SIK3: variants seen among roughly 807,000 people sequenced by gnomAD.
SIK3 encodes SIK family kinase 3, also known as serine/threonine-protein kinase SIK3.
A neutral mutation model predicts 144.2 loss-of-function variants in SIK3; 28 were observed. The observed-to-expected ratio is 0.19, with a 90% CI of 0.14 to 0.27. SIK3 has a LOEUF of 0.27. Ranked by LOEUF, SIK3 falls within the 10% of genes least tolerant of loss-of-function variation. SIK3 has a pLI of 1.00. For synonymous variants in SIK3, 686 were observed against 676.3 expected, an observed-to-expected ratio of 1.01 and a Z score of -0.22; for missense variants, 1,319 against 1,776.0, an observed-to-expected ratio of 0.74 and a Z score of 4.62.
At position 116,858,085 on chromosome 11, in the gene SIK3, G is replaced by C; in HGVS notation, c.3380C>G (p.Pro1127Arg). The C allele has an allele frequency of 6.2e-7, 1 of 1,613,964 alleles. No individual in the cohort carries two copies. The highest frequency in any genetic ancestry group is 8.5e-7 in the Non-Finnish European group (1 of 1,179,916). Residue 1127 changes from proline (P) to arginine (R), a missense_variant, in exon 21 of 25, where the codon CCG (proline) becomes CGG (arginine). Pro to Arg is a moderately radical substitution (Grantham distance 103). Around this residue, in one of 8 missense-constraint regions of SIK3, gnomAD observed 646 missense variants for 763.7 expected, o/e 0.85. Coordinates refer to ENST00000445177, the MANE Select transcript of SIK3 (RefSeq NM_001366686.3). This position sits in a 1 kb window ranked among gnomAD's most constrained non-coding sequence, Gnocchi z 5.4. ...ECVSQASSPT[P>R]PHGYAHQPAL... ...CGGCTGGTGAGCATACCCGTGGGGC[G>C]GGGTGGGTGAGGAAGCCTGTGAGAC...
intron 1 of SIK3, among the ~76,000 whole-genome samples, chr11:117,073,651 A>G (rs928895640): frequency 6.6e-6 from 1 of 151,656 alleles, no homozygotes; most frequent in Admixed American, 6.6e-5. Flanking sequence ...ATGGAAGTCT[A>G]TTGACCAGAC....
intron 1 of SIK3, among the ~76,000 whole-genome samples, chr11:116,987,470 A>G (rs1220564181): frequency 6.6e-6 from 1 of 152,144 alleles, no homozygotes; most frequent in Non-Finnish European, 1.5e-5. Flanking sequence ...CAAGAGTACT[A>G]CTCAAACTGC....
intron 1 of SIK3, among the ~76,000 whole-genome samples, chr11:117,039,323 A>G (rs1371754925): frequency 1.3e-5 from 2 of 152,212 alleles, no homozygotes; most frequent in African/African-American, 4.8e-5. Context: ...AGGTCTCGCT[A>G]TGTTGCCCTG....
chr11:116,876,171 G>C (rs1944242219), intron 8 of SIK3, 82 bp downstream of exon 8: 1 of 1,507,702 alleles, frequency 6.6e-7, no homozygotes, highest in Admixed American at 2.0e-5. Context: ...AAAGGCCCAA[G>C]TTCCCGAGAA....
chr11:116,955,955 T>C (rs1354206686), intron 2 of SIK3, among the ~76,000 whole-genome samples: 1 of 152,152 alleles, frequency 6.6e-6, no homozygotes, highest in Non-Finnish European at 1.5e-5. Context: ...AGCTTGCCCA[T>C]AGAGCCTTGG....
intron 19 of SIK3, 83 bp downstream of exon 19, chr11:116,861,191 G>T: frequency 9.2e-7 from 1 of 1,083,908 alleles, no homozygotes; most frequent in Non-Finnish European, 1.4e-6. Flanking sequence ...CCTTTCAAAT[G>T]GTTTATGGTG....
chr11:117,038,049 T>A (rs1952588050), intron 1 of SIK3, among the ~76,000 whole-genome samples: 1 of 152,198 alleles, frequency 6.6e-6, no homozygotes, highest in Admixed American at 6.5e-5. Context: ...TATTCCTGAA[T>A]CAAGAAAGTA....
At chr11:117,014,387 T>C (rs1431130069) in intron 1 of SIK3, among the ~76,000 whole-genome samples, 1 of 152,160 alleles carries the variant, frequency 6.6e-6, no homozygotes, top group Non-Finnish European at 1.5e-5. Context: ...GCAATAAAAC[T>C]TTTAGAAGAT....
intron 1 of SIK3, among the ~76,000 whole-genome samples, chr11:116,992,984 C>CA (rs961494816): frequency 2.0e-5 from 3 of 152,000 alleles, no homozygotes; most frequent in African/African-American, 7.2e-5. Context: ...GATTCTGTCT[C>CA]AAAAAAGTAT....
At chr11:116,971,870 C>T (rs1379627841) in intron 1 of SIK3, among the ~76,000 whole-genome samples, 1 of 151,726 alleles carries the variant, frequency 6.6e-6, no homozygotes, top group African/African-American at 2.4e-5. Flanking sequence ...GGGTGGATCA[C>T]GAGGTCAGGA....
At chr11:117,060,923 C>T (rs77828839) in intron 1 of SIK3, among the ~76,000 whole-genome samples, 5,804 of 152,184 alleles carry the variant, frequency 0.038, 359 homozygotes, top group African/African-American at 0.13. Context: ...GTACTTTCTG[C>T]TCAACTTTTC....
At chr11:116,994,768 C>T (rs1381818111) in intron 1 of SIK3, among the ~76,000 whole-genome samples, 1 of 152,146 alleles carries the variant, frequency 6.6e-6, no homozygotes, top group African/African-American at 2.4e-5. Flanking sequence ...GCTTTTAAGG[C>T]TCTCTAAAAG....
Position 116,885,305 on chromosome 11 carries a change from G to A in SIK3, c.866-8263C>T, listed in dbSNP as rs369109059. 5.9e-5 allele frequency among the ~76,000 whole-genome samples: 9 copies of A among 152,088 alleles called. 1 individual carries two copies. The highest frequency in any genetic ancestry group is 1.9e-4 in the African/African-American group (8 of 41,422). ...TCAGTTTTACCAAGTTTATCAACCCGAGACAGACCACAAAGAAAAGGTTTT... is the reference window on the plus strand; with the variant it reads ...TCAGTTTTACCAAGTTTATCAACCCAAGACAGACCACAAAGAAAAGGTTTT... On this transcript the variant is annotated intron_variant, in intron 6 of 24. Coordinates refer to ENST00000445177, the MANE Select transcript of SIK3 (RefSeq NM_001366686.3).
chr11:116,868,081 G>T lies in SIK3; in HGVS notation c.1817C>A (p.Ala606Glu). Residue 606 changes from alanine to glutamate, a missense_variant, in exon 15 of 25, where the codon GCA becomes GAA. Ala to Glu is a moderately radical substitution (Grantham distance 107). This residue lies in a region of SIK3 where 167 missense variants were observed against 263.3 expected (regional missense o/e 0.63). Transcript: ENST00000445177. Reference protein sequence around the residue: ...PDQEAVQRYLANRSKRHTLAM... With the variant: ...PDQEAVQRYLENRSKRHTLAM... ...CAGTGTATGTCTTTTGGACCTATTTGCCAAGTACCTGCAACAAGCAGGAGC... is the reference window on the plus strand; with the variant it reads ...CAGTGTATGTCTTTTGGACCTATTTTCCAAGTACCTGCAACAAGCAGGAGC... The T allele has an allele frequency of 5.8e-6, 9 of 1,550,608 alleles. No individual in the cohort carries two copies. Among genetic ancestry groups the T allele is most frequent in the Non-Finnish European group, 7.8e-6 (9 of 1,146,992 alleles).
Position 116,980,370 on chromosome 11 carries a change from G to GAA in SIK3, c.274-23308_274-23307dup, listed in dbSNP as rs760821689. ...TCTTTTCCGCTTATCACTAGAGAGA[G>GAA]AAACTAAAAACAATGGCTTCACACT... On this transcript the variant is annotated intron_variant, in intron 1 of 24. Transcript: ENST00000445177. 3.9e-5 allele frequency among the ~76,000 whole-genome samples: 6 copies of GAA among 152,208 alleles called. No homozygotes were observed. The East Asian group carries it at 7.7e-4, about 20-fold the overall frequency.
intron 5 of SIK3, among the ~76,000 whole-genome samples, 165 bp downstream of exon 5, chr11:116,897,026 CAA>C (rs5795057): frequency 7.1e-3 from 732 of 102,696 alleles, no homozygotes; most frequent in South Asian, 9.0e-3. Context: ...GACTCTGTTT[CAA>C]AAAAAAAAAA....
At chr11:117,034,550 T>C (rs1952409015) in intron 1 of SIK3, among the ~76,000 whole-genome samples, 1 of 152,110 alleles carries the variant, frequency 6.6e-6, no homozygotes, top group South Asian at 2.1e-4. Context: ...TCAGTACTGG[T>C]GGTTAAGAAA....
intron 1 of SIK3, among the ~76,000 whole-genome samples, chr11:117,013,166 T>C (rs1951339297): frequency 6.6e-6 from 1 of 152,218 alleles, no homozygotes; most frequent in Non-Finnish European, 1.5e-5. Flanking sequence ...CTTTGGTTTC[T>C]AAGTTAAAGT....
intron 1 of SIK3, among the ~76,000 whole-genome samples, chr11:116,988,422 T>C (rs1189356631): frequency 1.3e-5 from 2 of 151,920 alleles, no homozygotes; most frequent in African/African-American, 4.8e-5. Flanking sequence ...AGTAACTTTC[T>C]AATGATAATT....
Sources: allele counts gnomAD v4.1 joint callset (sites outside exome capture counted in the v4.1 genomes callset), GRCh38; gene constraint gnomAD v4.1.1; regional missense constraint gnomAD v4.1.1; non-coding constraint Gnocchi (gnomAD v3.1); transcripts MANE v1.5; gene names NCBI Gene and HGNC (gene_info 2026-07-23, HGNC 2026-07-21).